Variants in SUCLG2 observed in about 807,000 individuals in gnomAD.
The protein encoded by SUCLG2 is succinate-CoA ligase GDP-forming subunit beta.
Under a neutral mutation model 47.9 loss-of-function variants are expected in SUCLG2, and 42 were observed. That is an observed-to-expected ratio of 0.88 (90% CI 0.69 to 1.14). The LOEUF (loss-of-function observed/expected upper bound fraction) is 1.14, where lower values mean the gene tolerates loss of function less well. Among genes scored for constraint, SUCLG2 ranks in the 50% most tolerant of loss-of-function variants. The pLI is 0.00. For missense variants in SUCLG2, 571 were observed against 525.9 expected (o/e 1.09, Z -0.84); for synonymous variants, 195 against 197.3 (o/e 0.99, Z 0.10).
intron 1 of SUCLG2, among the ~76,000 whole-genome samples, chr3:67,631,635 T>A (rs1291860093): frequency 1.3e-5 from 2 of 151,858 alleles, no homozygotes; most frequent in Non-Finnish European, 2.9e-5. Flanking sequence ...TCAAAAAAAA[T>A]AAAAAAATAA....
At chr3:67,567,035 T>A (rs954910124) in intron 2 of SUCLG2, among the ~76,000 whole-genome samples, 1 of 151,910 alleles carries the variant, frequency 6.6e-6, no homozygotes, top group Non-Finnish European at 1.5e-5. Flanking sequence ...CACAAAAAAA[T>A]TAGCTGCCCA....
chr3:67,418,503 TG>T (rs1703084009), intron 9 of SUCLG2, among the ~76,000 whole-genome samples: 1 of 152,158 alleles, frequency 6.6e-6, no homozygotes, highest in African/African-American at 2.4e-5. Flanking sequence ...GCTGTTCTGG[TG>T]AACAGTAAGG....
chr3:67,526,491 G>T (rs1706258916), intron 4 of SUCLG2, among the ~76,000 whole-genome samples: 1 of 152,144 alleles, frequency 6.6e-6, no homozygotes, highest in Non-Finnish European at 1.5e-5. Flanking sequence ...CCACAATGGG[G>T]ATTAAATTTC....
chr3:67,592,269 C>A (rs555361125), intron 2 of SUCLG2, among the ~76,000 whole-genome samples: 14 of 152,350 alleles, frequency 9.2e-5, no homozygotes, highest in Admixed American at 7.8e-4. Flanking sequence ...GACACTTGAT[C>A]AGCCAGCCCT....
intron 9 of SUCLG2, among the ~76,000 whole-genome samples, chr3:67,435,862 A>G (rs1212617657): frequency 6.6e-6 from 1 of 152,190 alleles, no homozygotes; most frequent in Non-Finnish European, 1.5e-5. Flanking sequence ...TAACCATTAA[A>G]TGTAGTTAGA....
intron 2 of SUCLG2, among the ~76,000 whole-genome samples, chr3:67,556,402 G>A (rs1338353161): frequency 1.3e-5 from 2 of 152,190 alleles, no homozygotes; most frequent in Non-Finnish European, 2.9e-5. Context: ...CACGTTTGTA[G>A]CTTCCTCTCA....
intron 9 of SUCLG2, among the ~76,000 whole-genome samples, chr3:67,437,192 C>CT (rs1559525993): frequency 1.3e-5 from 2 of 152,024 alleles, no homozygotes; most frequent in African/African-American, 4.8e-5. Flanking sequence ...AAGCTTCAGT[C>CT]TTTTTTATAA....
chr3:67,395,218 A>G (rs1306325074), intron 10 of SUCLG2, among the ~76,000 whole-genome samples: 8 of 152,128 alleles, frequency 5.3e-5, no homozygotes, highest in Non-Finnish European at 1.2e-4. Context: ...ATTAAAAGAC[A>G]CAGACTGGCA....
intron 10 of SUCLG2, among the ~76,000 whole-genome samples, chr3:67,378,282 T>C (rs1034926207): frequency 6.6e-6 from 1 of 152,204 alleles, no homozygotes; most frequent in Non-Finnish European, 1.5e-5. Context: ...TTCTAATAGA[T>C]AAGAACATGG....
intron 2 of SUCLG2, among the ~76,000 whole-genome samples, chr3:67,553,938 TATC>T (rs1388648176): frequency 2.0e-5 from 3 of 152,212 alleles, no homozygotes; most frequent in Non-Finnish European, 4.4e-5. Flanking sequence ...AAGCATTAAT[TATC>T]ATGGGTTTCA....
At chr3:67,508,046 G>C (rs980554749) in intron 7 of SUCLG2, among the ~76,000 whole-genome samples, 2 of 152,182 alleles carry the variant, frequency 1.3e-5, no homozygotes, top group African/African-American at 4.8e-5. Context: ...TGCAGTGGTG[G>C]TAGGTACTGA....
intron 9 of SUCLG2, among the ~76,000 whole-genome samples, chr3:67,427,039 C>T (rs533449958): frequency 3.3e-5 from 5 of 152,232 alleles, no homozygotes; most frequent in Admixed American, 6.5e-5. Context: ...TTCTTCCTAC[C>T]GATTGGCCTT....
chr3:67,534,279 T>G (rs1164353143), intron 2 of SUCLG2, among the ~76,000 whole-genome samples: 1 of 152,186 alleles, frequency 6.6e-6, no homozygotes, highest in East Asian at 1.9e-4. Context: ...GGGGGCATGA[T>G]AAAGCCATTT....
At chr3:67,538,445 T>C (rs1706607611) in intron 2 of SUCLG2, among the ~76,000 whole-genome samples, 1 of 152,218 alleles carries the variant, frequency 6.6e-6, no homozygotes, top group African/African-American at 2.4e-5. Context: ...AGTACCATGC[T>C]GTTTTGGTTC....
downstream of SUCLG2, among the ~76,000 whole-genome samples, chr3:67,373,619 G>C (rs1701983405): frequency 6.6e-6 from 1 of 152,102 alleles, no homozygotes; most frequent in African/African-American, 2.4e-5. Context: ...TTCAGGAATA[G>C]GTTACTGACC....
intron 4 of SUCLG2, among the ~76,000 whole-genome samples, chr3:67,521,871 A>G (rs543639516): frequency 6.6e-6 from 1 of 151,996 alleles, no homozygotes; most frequent in South Asian, 2.1e-4. Flanking sequence ...TACCTGCCTC[A>G]GCCTACCAAA....
chr3:67,429,728 A>G (rs1212645461), intron 9 of SUCLG2, among the ~76,000 whole-genome samples: 2 of 152,196 alleles, frequency 1.3e-5, no homozygotes, highest in East Asian at 3.8e-4. Flanking sequence ...GGACACACAT[A>G]GGCTCAAAAT....
chr3:67,400,644 T>C (rs1310967498), intron 10 of SUCLG2, 87 bp downstream of exon 10: 1 of 1,551,458 alleles, frequency 6.4e-7, no homozygotes, highest in Non-Finnish European at 8.7e-7. Context: ...CGTTCTGTTA[T>C]CTCAGGAAGT....
chr3:67,518,172 C>T, intron 6 of SUCLG2, 75 bp downstream of exon 6: 2 of 1,215,326 alleles, frequency 1.6e-6, no homozygotes, highest in African/African-American at 1.5e-5. Context: ...ATCACAAACA[C>T]TAGAGGCAAT....
Sources: allele counts gnomAD v4.1 joint callset (sites outside exome capture counted in the v4.1 genomes callset), GRCh38; gene constraint gnomAD v4.1.1; transcripts MANE v1.5; gene names NCBI Gene and HGNC (gene_info 2026-07-23, HGNC 2026-07-21).